The following SLC4A10 variants were observed in gnomAD, a reference collection of about 807,000 sequenced individuals.
The protein encoded by SLC4A10 is solute carrier family 4 member 10.
SLC4A10 carries 42 observed loss-of-function variants against 137.7 expected under a neutral mutation model. The observed-to-expected ratio is 0.30, with a 90% CI of 0.24 to 0.39. The LOEUF is 0.39. Ranked by LOEUF, SLC4A10 falls within the 10% of genes least tolerant of loss-of-function variation. SLC4A10 has a pLI of 1.00. For synonymous variants in SLC4A10, 474 were observed against 464.1 expected (o/e 1.02, Z -0.27); for missense variants, 925 against 1,355.0 (o/e 0.68, Z 4.98).
chr2:161,669,582 G>T (rs1216035325), intron 1 of SLC4A10, among the ~76,000 whole-genome samples: 1 of 151,932 alleles, frequency 6.6e-6, no homozygotes, highest in East Asian at 1.9e-4. Context: ...TTGATGTAGA[G>T]ATCATTTTAT....
At chr2:161,860,394 A>G (rs1005015143) in intron 5 of SLC4A10, among the ~76,000 whole-genome samples, 2 of 152,174 alleles carry the variant, frequency 1.3e-5, no homozygotes, top group Admixed American at 1.3e-4. Context: ...AGGGTTTATT[A>G]TGTGATTACT....
chr2:161,694,450 T>G (rs1483479023), intron 1 of SLC4A10, among the ~76,000 whole-genome samples: 1 of 147,406 alleles, frequency 6.8e-6, no homozygotes, highest in Non-Finnish European at 1.5e-5. Context: ...ATGAATGAAA[T>G]TCAGAGACTA....
intron 1 of SLC4A10, among the ~76,000 whole-genome samples, chr2:161,713,961 T>C (rs1574510995): frequency 6.6e-6 from 1 of 151,550 alleles, no homozygotes; most frequent in South Asian, 2.1e-4. Flanking sequence ...CATTTGTACA[T>C]GGTAATTGTG....
intron 6 of SLC4A10, among the ~76,000 whole-genome samples, chr2:161,869,376 G>T (rs1465785580): frequency 6.6e-6 from 1 of 151,310 alleles, no homozygotes; most frequent in African/African-American, 2.4e-5. Context: ...GTAATAATTG[G>T]CATAAACTAA....
intron 1 of SLC4A10, among the ~76,000 whole-genome samples, chr2:161,656,871 A>G (rs940866648): frequency 2.0e-5 from 3 of 152,106 alleles, no homozygotes; most frequent in African/African-American, 7.2e-5. Context: ...TTGATTTTAC[A>G]TATTTCATTT....
At chr2:161,971,125 C>T (rs1405233121) in intron 23 of SLC4A10, among the ~76,000 whole-genome samples, 2 of 152,250 alleles carry the variant, frequency 1.3e-5, no homozygotes, top group African/African-American at 4.8e-5. Context: ...TAGTACCTAA[C>T]AGACTACCTG....
intron 3 of SLC4A10, among the ~76,000 whole-genome samples, chr2:161,838,578 G>A (rs1174841913): frequency 6.6e-6 from 1 of 152,132 alleles, no homozygotes; most frequent in Non-Finnish European, 1.5e-5. Flanking sequence ...CAAATCATAT[G>A]TTCAAAAAAT....
chr2:161,808,644 A>T (rs1412158864), intron 3 of SLC4A10, among the ~76,000 whole-genome samples: 1 of 152,124 alleles, frequency 6.6e-6, no homozygotes, highest in Non-Finnish European at 1.5e-5. Flanking sequence ...GTTTAGCCCC[A>T]CTTATGAGTG....
chr2:161,736,948 C>T (rs2047406372), intron 1 of SLC4A10, among the ~76,000 whole-genome samples: 1 of 152,070 alleles, frequency 6.6e-6, no homozygotes, highest in Non-Finnish European at 1.5e-5. Flanking sequence ...ACAGCCTTGA[C>T]CTCATGGGCT....
chr2:161,778,875 G>T (rs1486717470), intron 2 of SLC4A10, among the ~76,000 whole-genome samples: 2 of 151,828 alleles, frequency 1.3e-5, no homozygotes, highest in African/African-American at 4.8e-5. Context: ...CCTTGCATTT[G>T]GGCAAAAAGA....
chr2:161,694,384 T>C (rs13385472), intron 1 of SLC4A10, among the ~76,000 whole-genome samples: 4,968 of 151,820 alleles, frequency 0.033, 275 homozygotes, highest in African/African-American at 0.11. Context: ...GCTAAGACCA[T>C]ATTTTACTTC....
At chr2:161,815,554 G>A (rs533744925) in intron 3 of SLC4A10, among the ~76,000 whole-genome samples, 71 of 151,978 alleles carry the variant, frequency 4.7e-4, no homozygotes, top group Non-Finnish European at 7.6e-4. Flanking sequence ...ATACAGTAAC[G>A]TATATGAATC....
intron 15 of SLC4A10, among the ~76,000 whole-genome samples, chr2:161,922,970 C>G (rs1026067004): frequency 1.3e-5 from 2 of 152,120 alleles, no homozygotes; most frequent in Non-Finnish European, 2.9e-5. Context: ...CTATTAATAA[C>G]TACAAAGGCA....
chr2:161,782,934 C>T (rs1196607096), intron 2 of SLC4A10, among the ~76,000 whole-genome samples: 2 of 151,126 alleles, frequency 1.3e-5, no homozygotes, highest in Non-Finnish European at 1.5e-5. Context: ...AAGATTTATT[C>T]AAAGAAATAA....
At chr2:161,678,503 G>A (rs926911894) in intron 1 of SLC4A10, among the ~76,000 whole-genome samples, 3 of 152,062 alleles carry the variant, frequency 2.0e-5, no homozygotes, top group South Asian at 2.1e-4. Context: ...ACAATAAGTC[G>A]CATTAATCTT....
rs1559036619 is a variant in SLC4A10, at chr2:161,690,019, C to G, written c.48+65453C>G. Among the ~76,000 whole-genome samples, 4 of 152,004 alleles carry G rather than the reference C, an allele frequency of 2.6e-5. No individual in the cohort carries two copies. The South Asian group carries it at 6.2e-4, about 24-fold the overall frequency. On this transcript the variant is annotated intron_variant, in intron 1 of 26. Coordinates refer to ENST00000446997, the MANE Select transcript of SLC4A10 (RefSeq NM_001178015.2). The stretch of plus-strand genomic sequence containing the variant: ...CAAATGAATTTAAAAGTTTCACTGA[C>G]AGAATAGGAAAAAAGTTTTGCAATC...
intron 10 of SLC4A10, 108 bp downstream of exon 10, chr2:161,882,552 G>A: frequency 1.7e-6 from 1 of 577,776 alleles, no homozygotes; most frequent in Non-Finnish European, 2.8e-6. Flanking sequence ...TCTCTGTATT[G>A]AATCCCATTC....
chr2:161,772,372 G>A (rs995035865), intron 2 of SLC4A10, among the ~76,000 whole-genome samples: 3 of 151,558 alleles, frequency 2.0e-5, no homozygotes, highest in Non-Finnish European at 4.4e-5. Flanking sequence ...AAAGCAAGAT[G>A]GTAGCCTAGA....
intron 1 of SLC4A10, among the ~76,000 whole-genome samples, chr2:161,701,616 C>A (rs2043125093): frequency 6.6e-6 from 1 of 151,900 alleles, no homozygotes; most frequent in African/African-American, 2.4e-5. Context: ...TTGAAATATG[C>A]AGTAAGTTAT....
Sources: allele counts gnomAD v4.1 joint callset (sites outside exome capture counted in the v4.1 genomes callset), GRCh38; gene constraint gnomAD v4.1.1; transcripts MANE v1.5; gene names NCBI Gene and HGNC (gene_info 2026-07-23, HGNC 2026-07-21).